The following M6PR variants were observed in gnomAD, a reference collection of about 807,000 sequenced individuals.
M6PR encodes the protein cation-dependent mannose-6-phosphate receptor.
In M6PR, 19 loss-of-function variants were observed where a neutral mutation model predicts 33.1. That is an observed-to-expected ratio of 0.57 (90% CI 0.40 to 0.84). The LOEUF is 0.84. M6PR is among the 40% of genes least tolerant of loss of function. The pLI is 0.00. For synonymous variants in M6PR, 111 were observed against 123.4 expected, an observed-to-expected ratio of 0.90 and a Z score of 0.67; for missense variants, 295 against 336.0, an observed-to-expected ratio of 0.88 and a Z score of 0.95.
intron 3 of M6PR, among the ~76,000 whole-genome samples, chr12:8,944,889 G>T (rs966169957): frequency 3.9e-5 from 6 of 152,066 alleles, no homozygotes; most frequent in African/African-American, 1.4e-4. Context: ...GGCTGGGCGC[G>T]GTGGTTCATG....
In M6PR at chr12:8,946,357, G is replaced by T. The variant is rs1460710740; in HGVS notation, c.48C>A (p.Leu16=). The T allele has an allele frequency of 2.5e-6, 4 of 1,613,950 alleles. No homozygotes were observed. In the African/African-American group the frequency reaches 4.0e-5, roughly 16 times the overall value. The change falls in exon 2 of 7, where the codon CTC becomes CTA. Residue 16 remains leucine (L), a synonymous_variant. Transcript: ENST00000000412. ...SCWRTGLLLL[L]LAVAVRESWQ... ...AGGATTCTCTCACTGCCACAGCCAG[G>T]AGTAGTAGTAGCAGTCCAGTCCTCC...
In M6PR at chr12:8,949,621, C is replaced by CT. The variant is rs1189362296; in HGVS notation, c.-136dup. Reference sequence around the variant, plus strand: ...CTAGTTTCAGAGGCCAGCGTTCCCCCTAGCGCCTCGCTGTGCCCCACTCTG... The same window carrying CT: ...CTAGTTTCAGAGGCCAGCGTTCCCCCTTAGCGCCTCGCTGTGCCCCACTCTG... On this transcript the variant is annotated 5_prime_UTR_variant, in exon 1 of 7. Transcript: ENST00000000412. This position sits in a 1 kb window ranked among gnomAD's most constrained non-coding sequence, Gnocchi z 5.6. The CT allele has an allele frequency of 6.6e-6, 1 of 152,134 alleles. No individual in the cohort carries two copies. The highest frequency in any genetic ancestry group is 2.4e-5 in the African/African-American group (1 of 41,430). 9.4% of individuals were successfully genotyped at this position (152,134 alleles called of 1,614,324 possible).
chr12:8,943,750 G>T, intron 4 of M6PR, 51 bp downstream of exon 4: 1 of 1,515,982 alleles, frequency 6.6e-7, no homozygotes, highest in Non-Finnish European at 9.1e-7. Context: ...CCAACCTCAG[G>T]TCAGTCCTTT....
intron 4 of M6PR, 22 bp downstream of exon 4, chr12:8,943,779 T>C: frequency 6.3e-7 from 1 of 1,599,110 alleles, no homozygotes; most frequent in Non-Finnish European, 8.6e-7. Flanking sequence ...TCCCTCGGCT[T>C]ATACAACACA....
intron 5 of M6PR, among the ~76,000 whole-genome samples, chr12:8,942,951 ATT>A (rs139521214): frequency 0.34 from 48,320 of 142,604 alleles, 8,454 homozygotes; most frequent in Admixed American, 0.39. Flanking sequence ...TGCAGTCAGA[ATT>A]TTTTTTTTTT....
rs1443697671 is a variant in M6PR, at chr12:8,945,551, T to C, written c.210A>G (p.Thr70=). 6.2e-7 allele frequency: 1 copy of C among 1,613,984 alleles called. No homozygotes were observed. Among genetic ancestry groups the C allele is most frequent in the Non-Finnish European group, 8.5e-7 (1 of 1,180,034 alleles). Residue 70 remains threonine (T), a synonymous_variant, in exon 3 of 7, where the codon ACA becomes ACG. Coordinates refer to ENST00000000412, the MANE Select transcript of M6PR (RefSeq NM_002355.4). ...FESTVGQGSD[T]YIYIFRVCRE... is the part of the protein sequence containing the mutation. ...GGCACACCCTGAAGATGTAGATGTA[T>C]GTGTCTGAACCCTGGCCCACAGTGC...
intron 1 of M6PR, among the ~76,000 whole-genome samples, chr12:8,947,488 A>G (rs1167284060): frequency 6.6e-6 from 1 of 152,188 alleles, no homozygotes; most frequent in Non-Finnish European, 1.5e-5. Context: ...CTGTAATATT[A>G]TGGTAGTTTC....
At chr12:8,942,104 G>A (rs752337739) in intron 6 of M6PR, 164 bp from the exon 7 acceptor site, 47 of 840,458 alleles carry the variant, frequency 5.6e-5, no homozygotes, top group Non-Finnish European at 8.0e-5. Context: ...TGGGGCAACA[G>A]GAGAAAAAGT....
At chr12:8,946,436 A>G in intron 1 of M6PR, 31 bp from the exon 2 acceptor site, 1 of 1,569,912 alleles carries the variant, frequency 6.4e-7, no homozygotes, top group Non-Finnish European at 8.8e-7. Flanking sequence ...TGGGGAGGGC[A>G]GGTAGGATCA....
chr12:8,948,831 C>T (rs1257540069), intron 1 of M6PR, among the ~76,000 whole-genome samples: 1 of 152,236 alleles, frequency 6.6e-6, no homozygotes, highest in Non-Finnish European at 1.5e-5. Flanking sequence ...CTACTGTCTT[C>T]CCGCTGGCTC....
rs1805756 is a variant in M6PR, at chr12:8,949,383, G to A, written c.-2+105C>T. The A allele has an allele frequency of 0.014, 2,151 of 152,012 alleles. 18 individuals are homozygous for A. The highest frequency in any genetic ancestry group is 0.021 in the Non-Finnish European group (1,439 of 68,056). 9.4% of individuals were successfully genotyped at this position (152,012 alleles called of 1,614,324 possible). A position where few individuals can be genotyped will look rare whatever the true frequency, so the allele number is the denominator to read the frequency against. ...CTTAGGGCTCCTCAGCCAGATCTTT[G>A]GCTAGAACCATGGTCAAGGGAGAAT... On this transcript the variant is annotated intron_variant, in intron 1 of 6. Transcript: ENST00000000412. The surrounding 1 kb of genome is among the most constrained non-coding windows in gnomAD (Gnocchi z 5.6).
Position 8,942,448 on chromosome 12 carries a change from C to G in M6PR, c.679G>C (p.Ala227Pro), listed in dbSNP as rs1374748729. The change falls in exon 6 of 7, where the codon GCC (alanine) becomes CCC (proline). Residue 227 changes from alanine to proline, a missense_variant. Transcript: ENST00000000412. ...AGGTTGCCAAGATCCTGCCAGAAGGCTAAGTGGGGAAACTGCTCCATTCCT... is the reference window on the plus strand; with the variant it reads ...AGGTTGCCAAGATCCTGCCAGAAGGGTAAGTGGGGAAACTGCTCCATTCCT... The part of the protein sequence containing the change: ...AKGMEQFPHL[A>P]FWQDLGNLVA... 6.2e-7 allele frequency: 1 copy of G among 1,614,180 alleles called. No homozygotes were observed. Among genetic ancestry groups the G allele is most frequent in the Non-Finnish European group, 8.5e-7 (1 of 1,180,020 alleles).
intron 2 of M6PR, 73 bp from the exon 3 acceptor site, chr12:8,945,657 C>A: frequency 4.0e-6 from 5 of 1,264,050 alleles, no homozygotes; most frequent in South Asian, 1.3e-5. Context: ...GCATCCCTTT[C>A]CTTAATTAAA....
At chr12:8,948,519 A>G (rs1043386342) in intron 1 of M6PR, among the ~76,000 whole-genome samples, 4 of 152,262 alleles carry the variant, frequency 2.6e-5, no homozygotes, top group African/African-American at 9.6e-5. Context: ...ACAATCAGGA[A>G]GAGAATGAAA....
intron 6 of M6PR, chr12:8,942,145 C>T: frequency 2.9e-6 from 2 of 687,438 alleles, no homozygotes; most frequent in Non-Finnish European, 4.8e-6. Context: ...CTTCTTCCCA[C>T]CCAGGCCCTC....
At chr12:8,943,944 TG>T (rs1565529915) in intron 3 of M6PR, 34 bp from the exon 4 acceptor site, 4 of 1,449,130 alleles carry the variant, frequency 2.8e-6, no homozygotes, top group African/African-American at 1.4e-5. Context: ...AGCTATGGGG[TG>T]GGGGAAAAGC....
At chr12:8,945,940 A>C (rs1946087283) in intron 2 of M6PR, among the ~76,000 whole-genome samples, 1 of 152,200 alleles carries the variant, frequency 6.6e-6, no homozygotes, top group Non-Finnish European at 1.5e-5. Context: ...GGTTCCTGAC[A>C]CTTATAATGA....
intron 5 of M6PR, 53 bp from the exon 6 acceptor site, chr12:8,942,595 CAGAT>C (rs1359740805): frequency 2.5e-5 from 40 of 1,584,024 alleles, no homozygotes; most frequent in South Asian, 3.3e-5. Flanking sequence ...AGTAAAAACT[CAGAT>C]AGGATAACCT....
At chr12:8,947,836 G>T (rs909612277) in intron 1 of M6PR, among the ~76,000 whole-genome samples, 8 of 146,636 alleles carry the variant, frequency 5.5e-5, no homozygotes, top group African/African-American at 1.0e-4. Flanking sequence ...AAAACTGTGG[G>T]TTTTTTTTTT....
Sources: allele counts gnomAD v4.1 joint callset (sites outside exome capture counted in the v4.1 genomes callset), GRCh38; gene constraint gnomAD v4.1.1; non-coding constraint Gnocchi (gnomAD v3.1); transcripts MANE v1.5; gene names NCBI Gene and HGNC (gene_info 2026-07-23, HGNC 2026-07-21).